The following MAML2 variants were observed in gnomAD, a reference collection of about 807,000 sequenced individuals.
MAML2 encodes the protein mastermind like transcriptional coactivator 2.
In MAML2, 22 loss-of-function variants were observed where a neutral mutation model predicts 96.1. The ratio of observed to expected loss-of-function variants is 0.23; its 90% CI spans 0.16 to 0.33. The LOEUF (loss-of-function observed/expected upper bound fraction) is 0.33, where lower values mean the gene tolerates loss of function less well. Ranked by LOEUF, MAML2 falls within the 10% of genes least tolerant of loss-of-function variation. The pLI, the probability that MAML2 is intolerant of heterozygous loss-of-function variation, is 1.00. For missense variants in MAML2, 1,367 were observed against 1,392.4 expected, an observed-to-expected ratio of 0.98 and a Z score of 0.29; for synonymous variants, 561 against 521.3, an observed-to-expected ratio of 1.08 and a Z score of -1.04.
intron 1 of MAML2, among the ~76,000 whole-genome samples, chr11:96,235,606 G>A (rs1220853837): frequency 6.6e-6 from 1 of 152,146 alleles, no homozygotes; most frequent in African/African-American, 2.4e-5. Flanking sequence ...AAGGAGGGCT[G>A]GCCCTGGTGA....
At chr11:96,159,305 A>G (rs912046599) in intron 1 of MAML2, among the ~76,000 whole-genome samples, 1 of 151,762 alleles carries the variant, frequency 6.6e-6, no homozygotes, top group Non-Finnish European at 1.5e-5. Context: ...CCTTTAAATC[A>G]TCAGCCCTAA....
At chr11:96,277,836 G>A (rs1172112760) in intron 1 of MAML2, among the ~76,000 whole-genome samples, 2 of 150,908 alleles carry the variant, frequency 1.3e-5, no homozygotes, top group Non-Finnish European at 2.9e-5. Context: ...TTAGTATCCT[G>A]AAAAAGTTAA....
chr11:96,181,870 A>G (rs1260912083), intron 1 of MAML2, among the ~76,000 whole-genome samples: 3 of 145,546 alleles, frequency 2.1e-5, no homozygotes, highest in African/African-American at 7.7e-5. Flanking sequence ...GTCCTCAGCC[A>G]TTTTTTTCTT....
chr11:96,226,965 T>G (rs576102198), intron 1 of MAML2, among the ~76,000 whole-genome samples: 2 of 152,274 alleles, frequency 1.3e-5, no homozygotes, highest in African/African-American at 4.8e-5. Flanking sequence ...CAGTAAAAAA[T>G]GTTACGTTCA....
intron 1 of MAML2, among the ~76,000 whole-genome samples, chr11:96,301,492 G>GC (rs1313994993): frequency 2.0e-5 from 3 of 152,196 alleles, no homozygotes; most frequent in Non-Finnish European, 4.4e-5. Flanking sequence ...CTAGAGCAGA[G>GC]CCGTCCCACA....
chr11:96,215,813 C>A lies in MAML2; in HGVS notation c.514-122296G>T, dbSNP rs114757138. Among the ~76,000 whole-genome samples the A allele has an allele frequency of 5.1e-3, 778 of 152,136 alleles. 7 individuals carry two copies. Among genetic ancestry groups the A allele is most frequent in the African/African-American group, 0.018 (742 of 41,504 alleles). ...TAACCCATTTCTTTTCACTCTTGGACCTTTTATCCTTTTCAGTCAAATGAT... is the reference window on the plus strand; with the variant it reads ...TAACCCATTTCTTTTCACTCTTGGAACTTTTATCCTTTTCAGTCAAATGAT... On this transcript the variant is annotated intron_variant, in intron 1 of 4. Coordinates refer to ENST00000524717, the MANE Select transcript of MAML2 (RefSeq NM_032427.4).
At chr11:95,993,227 A>G (rs577961109) in intron 2 of MAML2, among the ~76,000 whole-genome samples, 2 of 150,788 alleles carry the variant, frequency 1.3e-5, no homozygotes, top group East Asian at 1.9e-4. Context: ...AAAAAAATCC[A>G]TCTGTCATTC....
At chr11:96,249,251 C>T (rs1862551750) in intron 1 of MAML2, among the ~76,000 whole-genome samples, 1 of 152,148 alleles carries the variant, frequency 6.6e-6, no homozygotes, top group African/African-American at 2.4e-5. Context: ...TTTCTGCTTC[C>T]ACTTCATCTT....
chr11:96,162,803 G>T (rs750969839), intron 1 of MAML2, among the ~76,000 whole-genome samples: 1 of 152,180 alleles, frequency 6.6e-6, no homozygotes, highest in Non-Finnish European at 1.5e-5. Context: ...CTGAACAAGG[G>T]GGTCTGAGGA....
intron 1 of MAML2, among the ~76,000 whole-genome samples, chr11:96,225,832 C>CAAAAAA (rs36112117): frequency 6.9e-6 from 1 of 145,098 alleles, no homozygotes; most frequent in Non-Finnish European, 1.5e-5. Flanking sequence ...GACACTATCT[C>CAAAAAA]AAAAAAAAAA....
chr11:96,159,340 G>A (rs888577123), intron 1 of MAML2, among the ~76,000 whole-genome samples: 6 of 147,514 alleles, frequency 4.1e-5, no homozygotes, highest in Non-Finnish European at 7.4e-5. Flanking sequence ...CGGATTTGTT[G>A]TCAGTCCCTT....
At chr11:96,022,370 G>A (rs2135737771) in intron 2 of MAML2, among the ~76,000 whole-genome samples, 1 of 152,210 alleles carries the variant, frequency 6.6e-6, no homozygotes, top group South Asian at 2.1e-4. Flanking sequence ...CAGTTAAATG[G>A]GCCATGTGTA....
chr11:96,048,987 A>T (rs901564759), intron 2 of MAML2, among the ~76,000 whole-genome samples: 1 of 152,224 alleles, frequency 6.6e-6, no homozygotes, highest in Non-Finnish European at 1.5e-5. Flanking sequence ...TTATAAGCAG[A>T]CAAAACATGT....
intron 1 of MAML2, among the ~76,000 whole-genome samples, chr11:96,284,822 T>C (rs1307306155): frequency 6.6e-6 from 1 of 152,242 alleles, no homozygotes; most frequent in African/African-American, 2.4e-5. Flanking sequence ...TCTCTTCAGT[T>C]ACTCTAACTC....
At position 96,139,112 on chromosome 11, in the gene MAML2, G is replaced by A. The variant is rs572099994; in HGVS notation, c.514-45595C>T. Reference sequence around the variant, plus strand: ...AAAACCTTTTTCCATATATATATTGGTAATGTTCCACAAACCAAATCAGCT... The same window carrying A: ...AAAACCTTTTTCCATATATATATTGATAATGTTCCACAAACCAAATCAGCT... On this transcript the variant is annotated intron_variant, in intron 1 of 4. Transcript: ENST00000524717. Among the ~76,000 whole-genome samples the A allele has an allele frequency of 7.9e-5, 12 of 152,116 alleles. No homozygotes were observed. The East Asian group carries it at 1.5e-3, about 20-fold the overall frequency.
chr11:96,254,388 GCT>G (rs1862632005), intron 1 of MAML2, among the ~76,000 whole-genome samples: 1 of 143,576 alleles, frequency 7.0e-6, no homozygotes, highest in Admixed American at 6.8e-5. Flanking sequence ...GAATGTTGCA[GCT>G]CTTTTTTTTT....
chr11:95,999,237 A>G (rs1858043669), intron 2 of MAML2, among the ~76,000 whole-genome samples: 2 of 152,226 alleles, frequency 1.3e-5, no homozygotes, highest in African/African-American at 4.8e-5. Context: ...AGCAGAGGAT[A>G]GGCCTGGCTA....
chr11:96,235,618 C>A (rs1055881488), intron 1 of MAML2, among the ~76,000 whole-genome samples: 8 of 152,182 alleles, frequency 5.3e-5, no homozygotes, highest in Non-Finnish European at 1.2e-4. Flanking sequence ...CCCTGGTGAT[C>A]ATCTATTCCT....
intron 1 of MAML2, among the ~76,000 whole-genome samples, chr11:96,217,895 G>A (rs962435670): frequency 1.3e-5 from 2 of 152,154 alleles, no homozygotes; most frequent in African/African-American, 4.8e-5. Flanking sequence ...TAGTGATTAT[G>A]AACTATCTAG....
Sources: allele counts gnomAD v4.1 joint callset (sites outside exome capture counted in the v4.1 genomes callset), GRCh38; gene constraint gnomAD v4.1.1; transcripts MANE v1.5; gene names NCBI Gene and HGNC (gene_info 2026-07-23, HGNC 2026-07-21).